NAA16: variants seen among roughly 807,000 people sequenced by gnomAD.
NAA16 encodes N-alpha-acetyltransferase 16, NatA auxiliary subunit.
Under a neutral mutation model 110.3 loss-of-function variants are expected in NAA16, and 97 were observed. The ratio of observed to expected loss-of-function variants is 0.88; its 90% CI spans 0.75 to 1.04. The LOEUF (loss-of-function observed/expected upper bound fraction) is 1.04. Among genes scored for constraint, NAA16 ranks in the 50% least tolerant of loss-of-function variants. The pLI, the probability that NAA16 is intolerant of heterozygous loss-of-function variation, is 0.00. For missense variants in NAA16, 1,017 were observed against 1,005.1 expected, an observed-to-expected ratio of 1.01 and a Z score of -0.16; for synonymous variants, 372 against 330.6, an observed-to-expected ratio of 1.13 and a Z score of -1.36.
At chr13:41,370,483 T>C (rs374449276) in intron 15 of NAA16, among the ~76,000 whole-genome samples, 16 of 152,332 alleles carry the variant, frequency 1.1e-4, no homozygotes, top group East Asian at 7.7e-4. Flanking sequence ...ATTATGACCA[T>C]GGCTGCCTTT....
At chr13:41,342,616 A>G (rs924409428) in intron 9 of NAA16, among the ~76,000 whole-genome samples, 48 of 152,206 alleles carry the variant, frequency 3.2e-4, no homozygotes, top group African/African-American at 1.1e-3. Context: ...AACAACTAAC[A>G]TAGTATTCAC....
chr13:41,337,846 TTATAGA>T (rs903043362), intron 9 of NAA16, among the ~76,000 whole-genome samples: 2 of 152,170 alleles, frequency 1.3e-5, no homozygotes, highest in Admixed American at 6.5e-5. Context: ...GAAACATCAG[TTATAGA>T]TATAGCTGAT....
chr13:41,375,557 A>G lies in NAA16; in HGVS notation c.2550A>G (p.Ala850=), dbSNP rs1300987189. The change falls in exon 20 of 20, where the codon GCA becomes GCG. Residue 850 remains alanine, a synonymous_variant. Coordinates refer to ENST00000379406, the MANE Select transcript of NAA16 (RefSeq NM_024561.5). ...ATGAAGTCGACAATCCTAATGTGGC[A>G]CTGAACCATACAGCTAATTATGATG... The part of the protein sequence containing the change: ...AVNEVDNPNV[A]LNHTANYDVL... 1.2e-6 allele frequency: 2 copies of G among 1,613,896 alleles called. No homozygotes were observed. Among genetic ancestry groups the G allele is most frequent in the Non-Finnish European group, 1.7e-6 (2 of 1,179,940 alleles).
intron 3 of NAA16, among the ~76,000 whole-genome samples, chr13:41,320,315 G>A (rs2041914576): frequency 6.6e-6 from 1 of 152,166 alleles, no homozygotes; most frequent in African/African-American, 2.4e-5. Flanking sequence ...AGTTGCTGGG[G>A]TAGGAAAGTG....
At chr13:41,314,193 G>A (rs1375827124) in intron 1 of NAA16, among the ~76,000 whole-genome samples, 1 of 151,908 alleles carries the variant, frequency 6.6e-6, no homozygotes, top group Non-Finnish European at 1.5e-5. Flanking sequence ...TGGGATGAAG[G>A]AAAAAAATAA....
At chr13:41,353,600 TAA>T (rs56050620) in intron 9 of NAA16, among the ~76,000 whole-genome samples, 132,489 of 146,444 alleles carry the variant, frequency 0.9, 59,965 homozygotes, top group South Asian at 0.97. Context: ...CTTTGTCTCT[TAA>T]AAAAAAAAAA....
intron 1 of NAA16, among the ~76,000 whole-genome samples, chr13:41,316,611 C>T (rs573311764): frequency 6.6e-6 from 1 of 152,064 alleles, no homozygotes; most frequent in South Asian, 2.1e-4. Context: ...AGCCACATTT[C>T]CTGTTTTTTA....
intron 12 of NAA16, among the ~76,000 whole-genome samples, chr13:41,361,380 A>G (rs1162260999): frequency 6.6e-6 from 1 of 152,242 alleles, no homozygotes; most frequent in East Asian, 1.9e-4. Context: ...TATTACTAAC[A>G]GATTTGATAA....
chr13:41,358,760 C>T (rs1034424908), intron 11 of NAA16, 50 bp from the exon 12 acceptor site: 12 of 1,523,132 alleles, frequency 7.9e-6, no homozygotes, highest in East Asian at 6.9e-5. Flanking sequence ...TTTTATTGTA[C>T]TCATATTCTC....
chr13:41,350,607 G>T (rs898435840), intron 9 of NAA16, among the ~76,000 whole-genome samples: 2,031 of 25,736 alleles, frequency 0.079, 79 homozygotes, highest in African/African-American at 0.19. Flanking sequence ...GTTTTTTTTT[G>T]TTTTTTTTTT....
At chr13:41,315,119 A>G (rs1043361589) in intron 1 of NAA16, among the ~76,000 whole-genome samples, 2 of 152,228 alleles carry the variant, frequency 1.3e-5, no homozygotes, top group Non-Finnish European at 2.9e-5. Flanking sequence ...TGTGGAAAAT[A>G]GAGTAACATG....
intron 15 of NAA16, among the ~76,000 whole-genome samples, chr13:41,369,932 A>G (rs537309268): frequency 6.6e-6 from 1 of 152,210 alleles, no homozygotes; most frequent in South Asian, 2.1e-4. Context: ...TGTTGTTTTA[A>G]GTCAATAAAT....
rs1284908150 is a variant in NAA16 at position 41,321,203 on chromosome 13, C to G, written c.402+379C>G. ...GTCCCAGCTATCCAGGATGTTGAGG[C>G]AGGAGGATCCCTTGAACCTAAGAGT... On this transcript the variant is annotated intron_variant, in intron 4 of 19. Transcript: ENST00000379406. Among the ~76,000 whole-genome samples, 4 of 152,234 alleles carry G rather than the reference C, an allele frequency of 2.6e-5. No individual in the cohort carries two copies. In the South Asian group the frequency reaches 8.3e-4, roughly 32 times the overall value.
intron 15 of NAA16, among the ~76,000 whole-genome samples, chr13:41,371,112 T>G (rs1420743311): frequency 1.3e-5 from 2 of 152,052 alleles, no homozygotes; most frequent in African/African-American, 4.8e-5. Flanking sequence ...CTGGAGAAAT[T>G]CAAGAGCTAA....
At chr13:41,364,475 T>C (rs1466081529) in intron 13 of NAA16, among the ~76,000 whole-genome samples, 1 of 152,316 alleles carries the variant, frequency 6.6e-6, no homozygotes, top group African/African-American at 2.4e-5. Context: ...ACTTGACTTT[T>C]ATTAAAACAA....
intron 9 of NAA16, among the ~76,000 whole-genome samples, chr13:41,343,073 A>G (rs1219856142): frequency 6.6e-6 from 1 of 152,190 alleles, no homozygotes; most frequent in East Asian, 1.9e-4. Flanking sequence ...ATGACTATAC[A>G]ATTTAAGAGC....
chr13:41,372,365 T>TTC (rs2043339247), intron 16 of NAA16, 54 bp downstream of exon 16: 1 of 1,521,448 alleles, frequency 6.6e-7, no homozygotes, highest in Non-Finnish European at 8.8e-7. Context: ...TGTGACCATA[T>TTC]TCAGTGTAAT....
At chr13:41,314,480 C>T (rs895155006) in intron 1 of NAA16, among the ~76,000 whole-genome samples, 4 of 152,242 alleles carry the variant, frequency 2.6e-5, no homozygotes, top group South Asian at 2.1e-4. Context: ...CTATCCTTAT[C>T]GCAGAATCAC....
Position 41,318,845 on chromosome 13 carries a change from GA to G in NAA16, c.186del (p.Glu63LysfsTer38). 1 of 1,601,902 alleles carries G rather than the reference GA, an allele frequency of 6.2e-7. No homozygotes were observed. Among genetic ancestry groups the G allele is most frequent in the Non-Finnish European group, 8.5e-7 (1 of 1,174,754 alleles). ...AMKGLTLNCL[G>X]KKEEAYEFVR... ...AAAGGATTAACACTGAACTGTTTAGGAAAAAAAGAAGAAGCTTATGAGTTTG... is the reference window on the plus strand; with the variant it reads ...AAAGGATTAACACTGAACTGTTTAGGAAAAAAGAAGAAGCTTATGAGTTTG... On this transcript the variant is annotated frameshift_variant, in exon 3 of 20. Transcript: ENST00000379406. LOFTEE classifies it high-confidence loss of function.
Sources: allele counts gnomAD v4.1 joint callset (sites outside exome capture counted in the v4.1 genomes callset), GRCh38; gene constraint gnomAD v4.1.1; transcripts MANE v1.5; gene names NCBI Gene and HGNC (gene_info 2026-07-23, HGNC 2026-07-21).